The following DOCK4 variants were observed in gnomAD, a reference collection of about 807,000 sequenced individuals.
DOCK4 encodes dedicator of cytokinesis 4.
A neutral mutation model predicts 268.1 loss-of-function variants in DOCK4; 97 were observed. That is an observed-to-expected ratio of 0.36 (90% CI 0.31 to 0.43). The LOEUF is 0.43. DOCK4 is among the 20% of genes least tolerant of loss of function. DOCK4 has a pLI of 1.00. For synonymous variants in DOCK4, 954 were observed against 887.2 expected (o/e 1.08, Z -1.34); for missense variants, 2,145 against 2,455.7 (o/e 0.87, Z 2.67).
At chr7:111,971,679 T>G (rs1431003426) in intron 8 of DOCK4, 5 of 273,218 alleles carry the variant, frequency 1.8e-5, no homozygotes, top group African/African-American at 1.2e-4. Context: ...GCCAACAGCC[T>G]CTTCTCTTGC....
At chr7:111,961,451 G>C (rs17159060) in intron 8 of DOCK4, among the ~76,000 whole-genome samples, 6 of 152,168 alleles carry the variant, frequency 3.9e-5, no homozygotes, top group Non-Finnish European at 8.8e-5. Context: ...ATGAACTAGT[G>C]AATGGGTAGA....
Position 111,994,245 on chromosome 7 carries a change from A to G in DOCK4, c.219-14T>C. On this transcript the variant is annotated splice_polypyrimidine_tract_variant and intron_variant, in intron 4 of 52. Coordinates refer to ENST00000428084, the MANE Select transcript of DOCK4 (RefSeq NM_001363540.2). ...ATTTCAAATTGTCTGTGAAATTAAAAAAGAAAAAGTATATATGTAAATACC... is the reference window on the plus strand; with the variant it reads ...ATTTCAAATTGTCTGTGAAATTAAAGAAGAAAAAGTATATATGTAAATACC... 2 of 1,528,876 alleles carry G rather than the reference A, an allele frequency of 1.3e-6. No individual in the cohort carries two copies. The highest frequency in any genetic ancestry group is 1.8e-6 in the Non-Finnish European group (2 of 1,119,060). The allele number at this position is 1,528,876 out of a possible 1,614,324, so 94.7% of individuals were successfully genotyped here.
At chr7:111,856,197 C>T (rs1804997448) in intron 23 of DOCK4, among the ~76,000 whole-genome samples, 1 of 152,144 alleles carries the variant, frequency 6.6e-6, no homozygotes, top group South Asian at 2.1e-4. Context: ...CACCCTTTCC[C>T]CAGTAATGTG....
In DOCK4 at chr7:112,001,571, G is replaced by A. The variant is rs56266135; in HGVS notation, c.122-1037C>T. ...GGAAGTGCCAAAGAGAAGCCATAAA[G>A]TGCTTTAAGTGAAAAGGTGAAAGTT... On this transcript the variant is annotated intron_variant, in intron 2 of 52. Coordinates refer to ENST00000428084, the MANE Select transcript of DOCK4 (RefSeq NM_001363540.2). Among the ~76,000 whole-genome samples the A allele has an allele frequency of 9.9e-3, 1,508 of 151,764 alleles. 25 individuals are homozygous for A. The highest frequency in any genetic ancestry group is 0.034 in the African/African-American group (1,395 of 41,318).
At chr7:112,053,889 G>T (rs539457925) in intron 1 of DOCK4, among the ~76,000 whole-genome samples, 1 of 152,160 alleles carries the variant, frequency 6.6e-6, no homozygotes, top group Non-Finnish European at 1.5e-5. Flanking sequence ...TCCTGGAAGG[G>T]GGCAACAGGT....
intron 8 of DOCK4, among the ~76,000 whole-genome samples, chr7:111,962,710 A>G (rs1434424308): frequency 6.6e-6 from 1 of 152,240 alleles, no homozygotes; most frequent in Non-Finnish European, 1.5e-5. Context: ...ATGGAATGAT[A>G]TATCAAATAG....
intron 1 of DOCK4, among the ~76,000 whole-genome samples, chr7:112,112,472 T>A (rs1246540967): frequency 6.6e-6 from 1 of 151,926 alleles, no homozygotes; most frequent in Non-Finnish European, 1.5e-5. Flanking sequence ...TGAAACCCCA[T>A]CTCTACTAAA....
At chr7:112,074,605 T>C (rs1425968996) in intron 1 of DOCK4, among the ~76,000 whole-genome samples, 2 of 152,184 alleles carry the variant, frequency 1.3e-5, no homozygotes, top group South Asian at 4.1e-4. Flanking sequence ...TCTATGGATG[T>C]TTCCATTTTG....
chr7:111,846,882 A>T, intron 24 of DOCK4, 117 bp downstream of exon 24: 1 of 1,219,650 alleles, frequency 8.2e-7, no homozygotes, highest in South Asian at 2.4e-5. Context: ...GCCCAGCTGG[A>T]AATAAAAGTG....
At chr7:111,778,392 T>C (rs774541355) in intron 35 of DOCK4, 23 bp from the exon 36 acceptor site, 2 of 1,487,364 alleles carry the variant, frequency 1.3e-6, no homozygotes, top group East Asian at 4.6e-5. Flanking sequence ...AGTACAGGTA[T>C]GGATAGTTCC....
At chr7:112,000,209 T>A (rs989814010) in intron 3 of DOCK4, among the ~76,000 whole-genome samples, 1 of 152,156 alleles carries the variant, frequency 6.6e-6, no homozygotes, top group Non-Finnish European at 1.5e-5. Flanking sequence ...AATTTTAATT[T>A]AGCTCTCTGA....
intron 1 of DOCK4, among the ~76,000 whole-genome samples, chr7:112,145,302 T>G (rs1385895424): frequency 6.6e-6 from 1 of 152,198 alleles, no homozygotes; most frequent in Non-Finnish European, 1.5e-5. Flanking sequence ...AGCAAAGCTT[T>G]GTTGTAACTT....
At chr7:111,757,260 G>A (rs112976848) in intron 41 of DOCK4, among the ~76,000 whole-genome samples, 3,839 of 152,082 alleles carry the variant, frequency 0.025, 80 homozygotes, top group African/African-American at 0.052. Context: ...AGATTGCTGC[G>A]CCACTGATAC....
chr7:112,145,034 C>A (rs532368835), intron 1 of DOCK4, among the ~76,000 whole-genome samples: 1 of 152,220 alleles, frequency 6.6e-6, no homozygotes, highest in South Asian at 2.1e-4. Context: ...TGTAAGAGCA[C>A]TCCCTATATG....
intron 1 of DOCK4, among the ~76,000 whole-genome samples, chr7:112,175,282 A>C (rs1818412869): frequency 6.6e-6 from 1 of 152,150 alleles, no homozygotes; most frequent in Non-Finnish European, 1.5e-5. Context: ...CTATAACATG[A>C]GTCTCTAAAA....
intron 1 of DOCK4, among the ~76,000 whole-genome samples, chr7:112,186,818 T>C (rs929327054): frequency 2.0e-5 from 3 of 152,186 alleles, no homozygotes; most frequent in Non-Finnish European, 2.9e-5. Flanking sequence ...AGTTCTCCTT[T>C]AGAGTACTAT....
At chr7:111,987,627 A>G (rs1016766442) in intron 6 of DOCK4, among the ~76,000 whole-genome samples, 1 of 152,222 alleles carries the variant, frequency 6.6e-6, no homozygotes, top group African/African-American at 2.4e-5. Flanking sequence ...ATGGCTGGCA[A>G]GTCTAATCTG....
At chr7:111,960,699 C>T (rs1796808773) in intron 8 of DOCK4, among the ~76,000 whole-genome samples, 2 of 151,938 alleles carry the variant, frequency 1.3e-5, no homozygotes, top group Admixed American at 1.3e-4. Context: ...AATTCCCTCC[C>T]CTAATCCCTA....
rs772523647 is a variant in DOCK4, at chr7:111,944,892, G to A, written c.784-21C>T. 8.1e-6 allele frequency: 13 copies of A among 1,613,252 alleles called. No individual in the cohort carries two copies. The South Asian group carries it at 1.2e-4, about 15-fold the overall frequency. ...AAATCCTACAAACAAAGAAAGTTTG[G>A]TTATTTTGGAAGACATGAGCGGCAC... On this transcript the variant is annotated intron_variant, in intron 9 of 52. Coordinates refer to ENST00000428084, the MANE Select transcript of DOCK4 (RefSeq NM_001363540.2).
Sources: gnomAD v4.1 joint callset for allele counts (sites outside exome capture counted in the v4.1 genomes callset) on GRCh38, gnomAD v4.1.1 for gene constraint, MANE v1.5 for transcripts, NCBI Gene and HGNC (gene_info 2026-07-23, HGNC 2026-07-21) for gene names.